Variants in CLVS1 observed in about 807,000 individuals in gnomAD.
The protein encoded by CLVS1 is clavesin 1.
In CLVS1, 10 loss-of-function variants were observed where a neutral mutation model predicts 33.1. The observed-to-expected ratio is 0.30, with a 90% CI of 0.19 to 0.51. The LOEUF (loss-of-function observed/expected upper bound fraction) is 0.51, where lower values mean the gene tolerates loss of function less well. CLVS1 is among the 20% of genes least tolerant of loss of function. The pLI is 0.97. For missense variants in CLVS1, 343 were observed against 433.4 expected, an observed-to-expected ratio of 0.79 and a Z score of 1.85; for synonymous variants, 163 against 166.1, an observed-to-expected ratio of 0.98 and a Z score of 0.14.
chr8:61,072,428 G>A (rs1804815784), intron 1 of CLVS1, among the ~76,000 whole-genome samples: 2 of 152,154 alleles, frequency 1.3e-5, no homozygotes, highest in Non-Finnish European at 2.9e-5. Context: ...ATGTTTGAAG[G>A]ATGACACTTT....
intron 3 of CLVS1, among the ~76,000 whole-genome samples, chr8:61,422,116 AT>A (rs770332927): frequency 1.3e-4 from 20 of 150,580 alleles, no homozygotes; most frequent in Non-Finnish European, 2.7e-4. Context: ...TTTGAAGAAC[AT>A]TTTTTCTCCA....
intron 1 of CLVS1, among the ~76,000 whole-genome samples, chr8:61,074,399 TTATATA>T (rs796909464): frequency 4.7e-4 from 26 of 55,558 alleles, no homozygotes; most frequent in Middle Eastern, 0.018. Context: ...TATATATATG[TTATATA>T]TATATAAGTA....
In CLVS1 at chr8:61,215,173, G is replaced by A. The variant is rs1192492769; in HGVS notation, c.-152+83313G>A. 2.6e-5 allele frequency among the ~76,000 whole-genome samples: 4 copies of A among 152,154 alleles called. No homozygotes were observed. The South Asian group carries it at 6.2e-4, about 24-fold the overall frequency. On this transcript the variant is annotated intron_variant, in intron 2 of 2. Coordinates refer to the CLVS1 transcript ENST00000522621. ...AGGGATGGGATAATGTTTTGGCACA[G>A]GATGAGGATGTCAGGTATTCAAAGA... is the stretch of plus-strand genomic sequence containing the variant.
Position 61,491,188 on chromosome 8 carries a change from AT to A in CLVS1, c.978-8265del, listed in dbSNP as rs749933195. ...GTAGAATTTTGAAAAATAAAATCTAATTATTTTCAAGAACAATTGGTGATTG... is the reference window on the plus strand; with the variant it reads ...GTAGAATTTTGAAAAATAAAATCTAATATTTTCAAGAACAATTGGTGATTG... On this transcript the variant is annotated intron_variant, in intron 5 of 5. Coordinates refer to ENST00000325897, the MANE Select transcript of CLVS1 (RefSeq NM_173519.3). Among the ~76,000 whole-genome samples the A allele has an allele frequency of 2.8e-4, 43 of 152,192 alleles. 1 individual carries two copies. The highest frequency in any genetic ancestry group is 6.2e-4 in the South Asian group (3 of 4,836).
At chr8:61,129,153 T>G (rs1296041398) in intron 1 of CLVS1, among the ~76,000 whole-genome samples, 1 of 152,234 alleles carries the variant, frequency 6.6e-6, no homozygotes, top group African/African-American at 2.4e-5. Flanking sequence ...GAGATGGAAT[T>G]GTCTGTAGCT....
chr8:61,026,182 TATAAG>T, the CLVS1 span, among the ~76,000 whole-genome samples: 1 of 152,098 alleles, frequency 6.6e-6, no homozygotes, highest in African/African-American at 2.4e-5. Flanking sequence ...TGAGTGTTCT[TATAAG>T]AGGAGGAAAT....
chr8:61,215,203 A>C (rs1563448262), intron 2 of CLVS1, among the ~76,000 whole-genome samples: 1 of 152,330 alleles, frequency 6.6e-6, no homozygotes, highest in Non-Finnish European at 1.5e-5. Context: ...CAAAGAACTT[A>C]GTCAGAAAAA....
the CLVS1 span, among the ~76,000 whole-genome samples, chr8:60,996,038 G>A: frequency 3.9e-5 from 6 of 152,322 alleles, no homozygotes; most frequent in South Asian, 1.0e-3. Context: ...GGGAGGGATA[G>A]CATTGGGAGA....
the CLVS1 span, among the ~76,000 whole-genome samples, chr8:60,986,602 G>A: frequency 1.7e-4 from 26 of 152,334 alleles, no homozygotes; most frequent in African/African-American, 4.8e-4. Flanking sequence ...CTGGAACTGC[G>A]GAAGATTAGA....
At chr8:61,156,229 A>AG (rs1806645837) in intron 2 of CLVS1, among the ~76,000 whole-genome samples, 1 of 150,918 alleles carries the variant, frequency 6.6e-6, no homozygotes, top group Non-Finnish European at 1.5e-5. Context: ...AAAAAAAAAA[A>AG]AAAAAGCCTT....
intron 2 of CLVS1, among the ~76,000 whole-genome samples, chr8:61,242,334 T>C (rs1305027705): frequency 6.6e-6 from 1 of 152,230 alleles, no homozygotes; most frequent in African/African-American, 2.4e-5. Flanking sequence ...TGTGTATTTT[T>C]CCAATCTTTT....
At chr8:61,146,167 AG>A (rs1321723412) in intron 2 of CLVS1, among the ~76,000 whole-genome samples, 3 of 152,194 alleles carry the variant, frequency 2.0e-5, no homozygotes, top group Admixed American at 6.5e-5. Context: ...GTGGCTTCAC[AG>A]GAAAAAAAAA....
chr8:61,118,487 C>A (rs1217766516), intron 1 of CLVS1, among the ~76,000 whole-genome samples: 1 of 149,038 alleles, frequency 6.7e-6, no homozygotes, highest in East Asian at 2.0e-4. Flanking sequence ...TGCATCTTTC[C>A]TGCTTTCTCT....
upstream of CLVS1, among the ~76,000 whole-genome samples, chr8:61,283,394 T>G (rs1335805241): frequency 6.6e-6 from 1 of 152,210 alleles, no homozygotes; most frequent in Non-Finnish European, 1.5e-5. Flanking sequence ...ATCTTTGCTT[T>G]TAGTCTCTCA....
chr8:61,457,743 C>T (rs1051431298), intron 4 of CLVS1, among the ~76,000 whole-genome samples: 5 of 151,986 alleles, frequency 3.3e-5, no homozygotes, highest in African/African-American at 9.7e-5. Context: ...GGAAACAAGA[C>T]GTAAATGAAC....
At chr8:61,318,887 A>G (rs1811103279) in intron 2 of CLVS1, among the ~76,000 whole-genome samples, 1 of 152,138 alleles carries the variant, frequency 6.6e-6, no homozygotes, top group Admixed American at 6.5e-5. Context: ...CTGGAATTAC[A>G]GGCATGAGTA....
At chr8:61,378,833 T>C (rs1362383511) in intron 3 of CLVS1, among the ~76,000 whole-genome samples, 2 of 152,200 alleles carry the variant, frequency 1.3e-5, no homozygotes, top group Non-Finnish European at 2.9e-5. Context: ...AATCTACCAC[T>C]GGCTCTCCTA....
At chr8:61,254,593 G>A (rs1203353174) in intron 2 of CLVS1, among the ~76,000 whole-genome samples, 1 of 152,236 alleles carries the variant, frequency 6.6e-6, no homozygotes, top group South Asian at 2.1e-4. Context: ...CAGCCACTTT[G>A]TTTACCTACT....
chr8:61,262,202 G>A (rs1438959617), intron 2 of CLVS1, among the ~76,000 whole-genome samples: 1 of 152,054 alleles, frequency 6.6e-6, no homozygotes, highest in African/African-American at 2.4e-5. Context: ...ATTTTTTTCA[G>A]ATGGGGTCTC....
Sources: gnomAD v4.1 joint callset for allele counts (sites outside exome capture counted in the v4.1 genomes callset) on GRCh38, gnomAD v4.1.1 for gene constraint, MANE v1.5 for transcripts, NCBI Gene and HGNC (gene_info 2026-07-23, HGNC 2026-07-21) for gene names.